The following CBLB variants were observed in gnomAD, a reference collection of about 807,000 sequenced individuals.
CBLB encodes E3 ubiquitin-protein ligase CBL-B.
A neutral mutation model predicts 104.9 loss-of-function variants in CBLB; 31 were observed. The observed-to-expected ratio is 0.30, with a 90% CI of 0.22 to 0.40. The LOEUF is 0.40. Ranked by LOEUF, CBLB falls within the 10% of genes least tolerant of loss-of-function variation. The pLI is 1.00. For synonymous variants in CBLB, 440 were observed against 422.6 expected, an observed-to-expected ratio of 1.04 and a Z score of -0.51; for missense variants, 1,062 against 1,214.6, an observed-to-expected ratio of 0.87 and a Z score of 1.87.
intron 4 of CBLB, among the ~76,000 whole-genome samples, chr3:105,775,591 A>G (rs1350466358): frequency 1.3e-5 from 2 of 152,200 alleles, no homozygotes; most frequent in African/African-American, 2.4e-5. Flanking sequence ...CATTCTGAGG[A>G]CGCGCTCTCA....
At chr3:105,854,695 C>T (rs1230528810) in intron 2 of CBLB, among the ~76,000 whole-genome samples, 2 of 151,588 alleles carry the variant, frequency 1.3e-5, no homozygotes, top group African/African-American at 2.4e-5. Flanking sequence ...TGTAGTGACA[C>T]GATCTCAGCT....
At chr3:105,740,813 GA>G (rs1166658210) in intron 6 of CBLB, among the ~76,000 whole-genome samples, 182 bp from the exon 7 acceptor site, 3 of 152,042 alleles carry the variant, frequency 2.0e-5, no homozygotes, top group African/African-American at 4.8e-5. Flanking sequence ...CAATTTACAA[GA>G]GAAACACTGA....
At chr3:105,854,921 G>A (rs923089578) in intron 2 of CBLB, among the ~76,000 whole-genome samples, 2 of 152,124 alleles carry the variant, frequency 1.3e-5, no homozygotes, top group South Asian at 2.1e-4. Flanking sequence ...GTGCGCCACC[G>A]TACCCGGCCT....
At chr3:105,704,274 T>C in intron 10 of CBLB, 101 bp from the exon 11 acceptor site, 5 of 1,086,144 alleles carry the variant, frequency 4.6e-6, no homozygotes, top group South Asian at 3.9e-5. Context: ...TCTGGCACCA[T>C]ACATTTGTTA....
intron 3 of CBLB, among the ~76,000 whole-genome samples, chr3:105,805,950 A>G (rs545748069): frequency 5.5e-4 from 81 of 148,568 alleles, no homozygotes; most frequent in African/African-American, 1.5e-3. Context: ...AAAAAAAAAC[A>G]GAAAAAAATT....
chr3:105,809,274 GA>G (rs2083940317), intron 3 of CBLB, among the ~76,000 whole-genome samples: 1 of 152,172 alleles, frequency 6.6e-6, no homozygotes, highest in Admixed American at 6.5e-5. Context: ...AGGAGCTCAG[GA>G]AACAAACATA....
At chr3:105,689,762 T>C (rs907117720) in intron 13 of CBLB, among the ~76,000 whole-genome samples, 13 of 151,824 alleles carry the variant, frequency 8.6e-5, no homozygotes, top group African/African-American at 3.1e-4. Context: ...ATAGGATTAT[T>C]TTGTTCTCCC....
chr3:105,687,708 T>G (rs2067183241), intron 13 of CBLB, among the ~76,000 whole-genome samples: 1 of 151,904 alleles, frequency 6.6e-6, no homozygotes, highest in African/African-American at 2.4e-5. Context: ...ATGTTTAATA[T>G]CAGTATAATA....
intron 2 of CBLB, among the ~76,000 whole-genome samples, chr3:105,864,684 G>A (rs1214873525): frequency 2.6e-5 from 4 of 152,022 alleles, no homozygotes; most frequent in South Asian, 4.2e-4. Context: ...GAGCAATTAC[G>A]CTCTCCTATT....
At chr3:105,763,361 T>C (rs542406181) in intron 4 of CBLB, among the ~76,000 whole-genome samples, 26 of 152,306 alleles carry the variant, frequency 1.7e-4, no homozygotes, top group African/African-American at 6.0e-4. Context: ...CAGAATGACA[T>C]CGTTTGGCTG....
At chr3:105,859,858 A>C (rs1204513102) in intron 2 of CBLB, among the ~76,000 whole-genome samples, 1 of 152,052 alleles carries the variant, frequency 6.6e-6, no homozygotes, top group African/African-American at 2.4e-5. Context: ...TATTTTACTA[A>C]GTATAAAAAT....
intron 9 of CBLB, among the ~76,000 whole-genome samples, chr3:105,721,419 GA>G (rs1278596480): frequency 6.6e-6 from 1 of 152,138 alleles, no homozygotes; most frequent in African/African-American, 2.4e-5. Context: ...CAGATCCTGT[GA>G]TAGTTTATTC....
chr3:105,759,229 T>G (rs983239767), intron 4 of CBLB, among the ~76,000 whole-genome samples: 1 of 152,152 alleles, frequency 6.6e-6, no homozygotes, highest in Admixed American at 6.5e-5. Flanking sequence ...GATGTCTGTG[T>G]GAGTCTGGCT....
At chr3:105,720,709 C>T (rs1198383684) in intron 9 of CBLB, among the ~76,000 whole-genome samples, 1 of 152,152 alleles carries the variant, frequency 6.6e-6, no homozygotes, top group Non-Finnish European at 1.5e-5. Flanking sequence ...GTGCATCTAA[C>T]TGTGGCTAAA....
chr3:105,868,123 A>G (rs1404878945), intron 1 of CBLB: 2 of 759,002 alleles, frequency 2.6e-6, no homozygotes, highest in African/African-American at 3.6e-5. Flanking sequence ...ACAAAAGCGC[A>G]GGGCATGTCC....
At chr3:105,810,891 T>C (rs1487247980) in intron 3 of CBLB, among the ~76,000 whole-genome samples, 1 of 152,128 alleles carries the variant, frequency 6.6e-6, no homozygotes. Flanking sequence ...ACTTCATAGG[T>C]ATAAGTTTAA....
At chr3:105,822,374 T>A (rs2085992509) in intron 3 of CBLB, among the ~76,000 whole-genome samples, 1 of 152,220 alleles carries the variant, frequency 6.6e-6, no homozygotes, top group Non-Finnish European at 1.5e-5. Flanking sequence ...AGGATGAGCA[T>A]TCTAACAGGC....
intron 3 of CBLB, among the ~76,000 whole-genome samples, chr3:105,801,314 A>G (rs1476200813): frequency 6.6e-6 from 1 of 152,204 alleles, no homozygotes; most frequent in Non-Finnish European, 1.5e-5. Context: ...TGTGTAAAAT[A>G]CCCTACTTAT....
chr3:105,761,813 T>C (rs779818760), intron 4 of CBLB, among the ~76,000 whole-genome samples: 4 of 152,064 alleles, frequency 2.6e-5, no homozygotes, highest in African/African-American at 7.2e-5. Context: ...TTGGAACAGT[T>C]TGGAGGGCTC....
Sources: gnomAD v4.1 joint callset for allele counts (sites outside exome capture counted in the v4.1 genomes callset) on GRCh38, gnomAD v4.1.1 for gene constraint, MANE v1.5 for transcripts, NCBI Gene and HGNC (gene_info 2026-07-23, HGNC 2026-07-21) for gene names.